The following MROH1 variants were observed in gnomAD, a reference collection of about 807,000 sequenced individuals.
The protein encoded by MROH1 is maestro heat-like repeat-containing protein family member 1.
MROH1 carries 117 observed loss-of-function variants against 116.5 expected under a neutral mutation model. That is an observed-to-expected ratio of 1.00 (90% CI 0.86 to 1.17). The LOEUF is 1.17. Ranked by LOEUF, MROH1 falls within the 50% of genes most tolerant of loss-of-function variation. The pLI is 0.00. For synonymous variants in MROH1, 921 were observed against 583.9 expected, an observed-to-expected ratio of 1.58 and a Z score of -8.32; for missense variants, 1,873 against 1,338.5, an observed-to-expected ratio of 1.40 and a Z score of -6.23.
chr8:144,235,507 A>T (rs1400892530), intron 14 of MROH1, among the ~76,000 whole-genome samples: 3 of 152,232 alleles, frequency 2.0e-5, no homozygotes, highest in Non-Finnish European at 1.5e-5. Context: ...ATCAGGTCAC[A>T]GGTACCACCT....
In MROH1 at chr8:144,244,346, T is replaced by C. The variant is rs1841519746; in HGVS notation, c.2670+10T>C. 12 of 720,490 alleles carry C rather than the reference T, an allele frequency of 1.7e-5. No individual in the cohort carries two copies. Among genetic ancestry groups the C allele is most frequent in the Admixed American group, 1.4e-4 (7 of 50,136 alleles). 44.6% of individuals were successfully genotyped at this position (720,490 alleles called of 1,614,324 possible). ...CGGAGGCTGCCAGAAGGTATCCCTGTGTTTCCCTTGCCTGTGTCCACATCC... is the reference window on the plus strand; with the variant it reads ...CGGAGGCTGCCAGAAGGTATCCCTGCGTTTCCCTTGCCTGTGTCCACATCC... On this transcript the variant is annotated intron_variant, in intron 27 of 43. Coordinates refer to ENST00000326134, the MANE Select transcript of MROH1 (RefSeq NM_032450.3).
intron 4 of MROH1, among the ~76,000 whole-genome samples, chr8:144,170,988 C>T (rs1032901405): frequency 3.3e-5 from 5 of 152,236 alleles, no homozygotes; most frequent in Non-Finnish European, 5.9e-5. Context: ...TCTTACACCA[C>T]GCAACAATCA....
chr8:144,168,281 C>G lies in MROH1; in HGVS notation c.23-14C>G. 1.9e-6 allele frequency: 3 copies of G among 1,584,568 alleles called. No individual in the cohort carries two copies. The highest frequency in any genetic ancestry group is 1.8e-5 in the Admixed American group (1 of 56,792). ...CTTGGGCCTGAGCATGCTAACCAGGCTTTGTCGCTGCAGAGCTGGCCTCCA... is the reference window on the plus strand; with the variant it reads ...CTTGGGCCTGAGCATGCTAACCAGGGTTTGTCGCTGCAGAGCTGGCCTCCA... On this transcript the variant is annotated splice_polypyrimidine_tract_variant and intron_variant, in intron 3 of 43. Transcript: ENST00000326134.
At chr8:144,167,476 G>GGCCGGTTGTTGGGTA (rs1821208854) in intron 3 of MROH1, among the ~76,000 whole-genome samples, 1 of 132,998 alleles carries the variant, frequency 7.5e-6, no homozygotes, top group Non-Finnish European at 1.7e-5. Flanking sequence ...CAGTTGGGGT[G>GGCCGGTTGTTGGGTA]GAGTGGCCGG....
chr8:144,197,886 C>T (rs1830291687), intron 10 of MROH1, among the ~76,000 whole-genome samples: 1 of 150,066 alleles, frequency 6.7e-6, no homozygotes, highest in African/African-American at 2.4e-5. Flanking sequence ...CCATCCAGAC[C>T]AACATGGAGA....
intron 12 of MROH1, among the ~76,000 whole-genome samples, chr8:144,204,566 G>A (rs1832421336): frequency 6.6e-6 from 1 of 152,170 alleles, no homozygotes; most frequent in African/African-American, 2.4e-5. Context: ...ACACCCAGGG[G>A]TGGCACTCTC....
intron 12 of MROH1, among the ~76,000 whole-genome samples, chr8:144,215,834 T>C (rs1293111856): frequency 2.7e-5 from 4 of 147,920 alleles, no homozygotes; most frequent in African/African-American, 1.0e-4. Flanking sequence ...GATTGTGCCA[T>C]TGCACTCCAG....
In MROH1 at chr8:144,214,949, G is replaced by A. The variant is rs143547130; in HGVS notation, c.1142-5651G>A. On this transcript the variant is annotated intron_variant, in intron 12 of 43. Transcript: ENST00000326134. ...TTGGAGGGCAGGAAGCATCCAGCAC[G>A]GGAGAAAGATGCAGGCTGGGAGGCT... 2.5e-3 allele frequency among the ~76,000 whole-genome samples: 380 copies of A among 152,290 alleles called. 1 individual carries two copies. The highest frequency in any genetic ancestry group is 4.0e-3 in the Non-Finnish European group (274 of 68,036).
At chr8:144,200,575 C>T in intron 12 of MROH1, 34 bp downstream of exon 12, 1 of 1,447,518 alleles carries the variant, frequency 6.9e-7, no homozygotes, top group Non-Finnish European at 9.5e-7. Context: ...GCCGCCACCC[C>T]TGGCCATGTC....
intron 12 of MROH1, chr8:144,213,122 G>GT (rs1238913589): frequency 1.3e-6 from 1 of 771,676 alleles, no homozygotes; most frequent in Non-Finnish European, 2.4e-6. Flanking sequence ...TGTTGCTTGA[G>GT]TCACCACGGC....
intron 13 of MROH1, among the ~76,000 whole-genome samples, chr8:144,221,363 C>T (rs1329726817): frequency 6.6e-6 from 1 of 152,180 alleles, no homozygotes; most frequent in Non-Finnish European, 1.5e-5. Flanking sequence ...GATGACCTCC[C>T]AGGACCCCAG....
At chr8:144,198,047 CAAAAAAAAAA>C (rs11366876) in intron 10 of MROH1, among the ~76,000 whole-genome samples, 2 of 116,822 alleles carry the variant, frequency 1.7e-5, no homozygotes, top group African/African-American at 6.6e-5. Flanking sequence ...AAAACTGTTT[CAAAAAAAAAA>C]AAAAAAAGAA....
At chr8:144,162,148 G>A (rs1184377182) in intron 2 of MROH1, among the ~76,000 whole-genome samples, 4 of 148,422 alleles carry the variant, frequency 2.7e-5, no homozygotes, top group Non-Finnish European at 4.4e-5. Context: ...GCAGTGGCAC[G>A]ATCTCAGCTC....
chr8:144,243,534 T>C lies in MROH1; in HGVS notation c.2393T>C (p.Met798Thr). ...LKLCLVQSVC[M>T]VSRAICSSTQ... ...CTGTGCCTTGTCCAGAGTGTGTGCA[T>C]GGTCAGCCGCGCCATCTGCAGCAGC... The change falls in exon 25 of 44, where the codon ATG (methionine) becomes ACG (threonine). Residue 798 changes from methionine (M) to threonine (T), a missense_variant. Coordinates refer to ENST00000326134, the MANE Select transcript of MROH1 (RefSeq NM_032450.3). The C allele has an allele frequency of 1.3e-6, 1 of 780,176 alleles. No individual in the cohort carries two copies. The highest frequency in any genetic ancestry group is 2.4e-6 in the Non-Finnish European group (1 of 417,818). 48.3% of individuals were successfully genotyped at this position (780,176 alleles called of 1,614,324 possible).
chr8:144,200,547 T>C lies in MROH1; in HGVS notation c.1141+6T>C. On this transcript the variant is annotated splice_donor_region_variant and intron_variant, in intron 12 of 43. Coordinates refer to ENST00000326134, the MANE Select transcript of MROH1 (RefSeq NM_032450.3). ...ACATGTCATCAACTCAGCTGGTGAG[T>C]GCCTCCATGCTAGCCTGGCCGCCAC... 1 of 1,545,178 alleles carries C rather than the reference T, an allele frequency of 6.5e-7. No homozygotes were observed.
chr8:144,154,190 G>A lies in MROH1; in HGVS notation c.-177+6114G>A, dbSNP rs1052255570. ...AGCCATTCTCCTGCCTCAGCCTTCC[G>A]AGTAGCTGGGATTACAGGCACGTGC... On this transcript the variant is annotated intron_variant, in intron 1 of 43. Transcript: ENST00000326134. Among the ~76,000 whole-genome samples the A allele has an allele frequency of 2.3e-4, 35 of 152,012 alleles. No homozygotes were observed. The South Asian group carries it at 2.9e-3, about 13-fold the overall frequency.
chr8:144,180,918 C>T lies in MROH1; in HGVS notation c.562+395C>T, dbSNP rs909541245. Among the ~76,000 whole-genome samples the T allele has an allele frequency of 6.6e-6, 1 of 152,098 alleles. No individual in the cohort carries two copies. On this transcript the variant is annotated intron_variant, in intron 7 of 43. Transcript: ENST00000326134. The surrounding 1 kb of genome is among the most constrained non-coding windows in gnomAD (Gnocchi z 7.4). ...ACATTCATTCACCCCCACCCTCTGC[C>T]AGGAGCCCCATTCCTGGCAGCACTG...
rs1375934311 is a variant in MROH1, at chr8:144,259,950, G to A, written c.4084G>A (p.Asp1362Asn). The A allele has an allele frequency of 2.3e-5, 17 of 743,264 alleles. 1 individual carries two copies. The East Asian group carries it at 3.8e-4, about 17-fold the overall frequency. The allele number at this position is 743,264 out of a possible 1,614,324, so 46.0% of individuals were successfully genotyped here. Reference sequence around the variant, plus strand: ...CGTGGCCAACGACCTCATGCTCTTGGACTCGCTGCTGGAGAGCCTGGCGGC... The same window carrying A: ...CGTGGCCAACGACCTCATGCTCTTGAACTCGCTGCTGGAGAGCCTGGCGGC... The part of the protein sequence containing the change: ...SNVANDLMLL[D>N]SLLESLAARQ... Residue 1362 changes from aspartate to asparagine, a missense_variant, in exon 38 of 44, where the codon GAC (aspartate) becomes AAC (asparagine). Coordinates refer to ENST00000326134, the MANE Select transcript of MROH1 (RefSeq NM_032450.3).
chr8:144,245,189 C>T lies in MROH1; in HGVS notation c.2800C>T (p.His934Tyr). The T allele has an allele frequency of 1.3e-6, 1 of 779,284 alleles. No homozygotes were observed. The highest frequency in any genetic ancestry group is 1.7e-5 in the Admixed American group (1 of 59,042). The allele number at this position is 779,284 out of a possible 1,614,324, so 48.3% of individuals were successfully genotyped here. ...CCCATGGATCAAGTCCCCAAGAGGT[C>T]ACGAGCGGGCGCGGGCCCTGGGCCT... Reference protein sequence around the residue: ...LSPWIKSPRGHERARALGLSA... With the variant: ...LSPWIKSPRGYERARALGLSA... The change falls in exon 29 of 44, where the codon CAC (histidine) becomes TAC (tyrosine). Residue 934 changes from histidine to tyrosine, a missense_variant. By Grantham distance (83) the His-to-Tyr change is moderately conservative. Coordinates refer to ENST00000326134, the MANE Select transcript of MROH1 (RefSeq NM_032450.3).
Sources: gnomAD v4.1 joint callset for allele counts (sites outside exome capture counted in the v4.1 genomes callset) on GRCh38, gnomAD v4.1.1 for gene constraint, Gnocchi (gnomAD v3.1) non-coding constraint, MANE v1.5 for transcripts, NCBI Gene and HGNC (gene_info 2026-07-23, HGNC 2026-07-21) for gene names.